The following SMYD3 variants were observed in gnomAD, a reference collection of about 807,000 sequenced individuals.
SMYD3 encodes the protein histone-lysine N-methyltransferase SMYD3.
A neutral mutation model predicts 57.7 loss-of-function variants in SMYD3; 36 were observed. The observed-to-expected ratio is 0.62, with a 90% confidence interval of 0.48 to 0.82. SMYD3 has a LOEUF of 0.82. SMYD3 is among the 40% of genes least tolerant of loss of function. SMYD3 has a pLI of 0.00. For synonymous variants in SMYD3, 211 were observed against 195.0 expected, an observed-to-expected ratio of 1.08 and a Z score of -0.68; for missense variants, 515 against 538.8, an observed-to-expected ratio of 0.96 and a Z score of 0.44.
At chr1:245,964,288 C>T (rs1425102190) in intron 5 of SMYD3, among the ~76,000 whole-genome samples, 1 of 152,194 alleles carries the variant, frequency 6.6e-6, no homozygotes, top group African/African-American at 2.4e-5. Flanking sequence ...CCACCAGGCC[C>T]CACCTCCAAC....
At chr1:246,192,360 C>T (rs936387379) in intron 5 of SMYD3, among the ~76,000 whole-genome samples, 1 of 152,214 alleles carries the variant, frequency 6.6e-6, no homozygotes, top group Non-Finnish European at 1.5e-5. Context: ...AGAACTCCTG[C>T]AACTTTGGAA....
intron 10 of SMYD3, among the ~76,000 whole-genome samples, chr1:245,764,435 T>G (rs1254243201): frequency 6.6e-6 from 1 of 151,680 alleles, no homozygotes; most frequent in Admixed American, 6.6e-5. Context: ...GAGCTCTGCG[T>G]TGATATTTGG....
intron 5 of SMYD3, among the ~76,000 whole-genome samples, chr1:246,324,269 G>A (rs1341584136): frequency 1.3e-5 from 2 of 151,914 alleles, no homozygotes; most frequent in African/African-American, 4.8e-5. Flanking sequence ...ACAAAAATTG[G>A]CCAGGTGTGG....
chr1:246,489,289 T>G (rs1361813377), intron 1 of SMYD3, among the ~76,000 whole-genome samples: 2 of 152,006 alleles, frequency 1.3e-5, no homozygotes, highest in African/African-American at 4.8e-5. Flanking sequence ...GAGGCTGAGG[T>G]TGCAGTGAGC....
At chr1:245,821,825 T>G (rs1207538673) in intron 10 of SMYD3, among the ~76,000 whole-genome samples, 1 of 151,382 alleles carries the variant, frequency 6.6e-6, no homozygotes, top group Non-Finnish European at 1.5e-5. Flanking sequence ...ATCAGAGAAA[T>G]GCAAATCAAA....
chr1:246,215,541 T>C (rs912272917), intron 5 of SMYD3, among the ~76,000 whole-genome samples: 22 of 152,118 alleles, frequency 1.4e-4, no homozygotes, highest in African/African-American at 5.1e-4. Context: ...TTACCAGTAA[T>C]GGGCAGTAAC....
chr1:246,452,707 C>G (rs2067649359), intron 1 of SMYD3, among the ~76,000 whole-genome samples: 1 of 152,112 alleles, frequency 6.6e-6, no homozygotes, highest in African/African-American at 2.4e-5. Flanking sequence ...GTTATATGAC[C>G]ATCTAAGTAG....
chr1:246,266,745 C>T (rs1391070513), intron 5 of SMYD3, among the ~76,000 whole-genome samples: 4 of 151,040 alleles, frequency 2.6e-5, no homozygotes, highest in South Asian at 2.1e-4. Context: ...TGCAGTGAGC[C>T]GAGATTGCAC....
At chr1:245,762,179 G>A (rs1284067498) in intron 11 of SMYD3, among the ~76,000 whole-genome samples, 1 of 152,144 alleles carries the variant, frequency 6.6e-6, no homozygotes, top group Non-Finnish European at 1.5e-5. Flanking sequence ...CTTTAGGTGA[G>A]CTCTTGCATG....
chr1:245,832,350 C>T (rs2049884678), intron 10 of SMYD3, among the ~76,000 whole-genome samples: 3 of 152,274 alleles, frequency 2.0e-5, no homozygotes, highest in South Asian at 4.2e-4. Flanking sequence ...AGCAATCTTT[C>T]CCAAAGTGTG....
chr1:246,324,027 G>A (rs1364672718), intron 5 of SMYD3, among the ~76,000 whole-genome samples: 2 of 152,124 alleles, frequency 1.3e-5, no homozygotes, highest in East Asian at 3.8e-4. Context: ...GTGTGTGTTT[G>A]AAAATGTCCA....
chr1:246,217,450 A>C (rs2063182143), intron 5 of SMYD3, among the ~76,000 whole-genome samples: 1 of 152,080 alleles, frequency 6.6e-6, no homozygotes, highest in Non-Finnish European at 1.5e-5. Flanking sequence ...CAGAGGTTGC[A>C]CTGAGCCGAG....
chr1:246,020,982 G>T (rs1335447807), intron 5 of SMYD3, among the ~76,000 whole-genome samples: 3 of 152,166 alleles, frequency 2.0e-5, no homozygotes, highest in Non-Finnish European at 4.4e-5. Context: ...GAACAAACGT[G>T]TATAGGTTTG....
intron 5 of SMYD3, among the ~76,000 whole-genome samples, chr1:246,159,700 T>C (rs559471500): frequency 7.9e-5 from 12 of 152,298 alleles, no homozygotes; most frequent in African/African-American, 2.6e-4. Flanking sequence ...TAGGTCCAGC[T>C]TGTAAAACAG....
At chr1:245,843,538 ATATG>A (rs1408854518) in intron 10 of SMYD3, among the ~76,000 whole-genome samples, 156 of 74,790 alleles carry the variant, frequency 2.1e-3, no homozygotes, top group African/African-American at 7.3e-3. Flanking sequence ...GTGTATATAT[ATATG>A]TGTGTGTGTG....
intron 5 of SMYD3, among the ~76,000 whole-genome samples, chr1:246,015,954 C>T (rs940063175): frequency 2.0e-5 from 3 of 152,158 alleles, no homozygotes; most frequent in African/African-American, 7.2e-5. Flanking sequence ...AATTTTATTT[C>T]TAATGTTCTA....
chr1:245,761,845 G>A (rs12082276), intron 11 of SMYD3, among the ~76,000 whole-genome samples: 7,034 of 147,918 alleles, frequency 0.048, 529 homozygotes, highest in African/African-American at 0.16. Flanking sequence ...GAGTGCAATG[G>A]TGCAATCTTG....
intron 10 of SMYD3, among the ~76,000 whole-genome samples, chr1:245,785,835 A>G (rs1436502813): frequency 6.6e-6 from 1 of 152,064 alleles, no homozygotes; most frequent in Non-Finnish European, 1.5e-5. Flanking sequence ...AGTAGCTAGG[A>G]CTACAGGTGT....
intron 10 of SMYD3, among the ~76,000 whole-genome samples, chr1:245,825,459 G>A (rs2049429753): frequency 6.6e-6 from 1 of 152,182 alleles, no homozygotes; most frequent in South Asian, 2.1e-4. Context: ...CCCTCTATCT[G>A]GCCTGCTTCT....
Sources: gnomAD v4.1 joint callset for allele counts (sites outside exome capture counted in the v4.1 genomes callset) on GRCh38, gnomAD v4.1.1 for gene constraint, MANE v1.5 for transcripts, NCBI Gene and HGNC (gene_info 2026-07-23, HGNC 2026-07-21) for gene names.